The following SIRPB2 variants were observed in gnomAD, a reference collection of about 807,000 sequenced individuals.
SIRPB2 encodes signal-regulatory protein beta-2.
A neutral mutation model predicts 27.1 loss-of-function variants in SIRPB2; 18 were observed. The ratio of observed to expected loss-of-function variants is 0.66; its 90% CI spans 0.46 to 0.98. SIRPB2 has a LOEUF of 0.98. SIRPB2 is among the 50% of genes least tolerant of loss of function. The pLI is 0.00. For missense variants in SIRPB2, 420 were observed against 417.4 expected (o/e 1.01, Z -0.06); for synonymous variants, 150 against 164.6 (o/e 0.91, Z 0.68).
chr20:1,484,035 A>C (rs1433574405), intron 1 of SIRPB2, among the ~76,000 whole-genome samples: 1 of 152,256 alleles, frequency 6.6e-6, no homozygotes, highest in Non-Finnish European at 1.5e-5. Context: ...CCAATGGCAC[A>C]GAATAGAAAA....
Position 1,486,719 on chromosome 20 carries a change from T to C in SIRPB2, c.85+4556A>G, listed in dbSNP as rs187027650. ...AAACTAACACACACACACACGCATA[T>C]ACATGCACTCATATAATCATCTCAA... is the stretch of plus-strand genomic sequence containing the variant. On this transcript the variant is annotated intron_variant, in intron 1 of 4. Coordinates refer to ENST00000359801, the MANE Select transcript of SIRPB2 (RefSeq NM_001122962.2). Among the ~76,000 whole-genome samples, 617 of 152,268 alleles carry C rather than the reference T, an allele frequency of 4.1e-3. 1 individual carries two copies. Among genetic ancestry groups the C allele is most frequent in the Non-Finnish European group, 7.5e-3 (508 of 68,000 alleles).
intron 1 of SIRPB2, 41 bp downstream of exon 1, chr20:1,491,234 C>T (rs1483436670): frequency 6.4e-7 from 1 of 1,571,806 alleles, no homozygotes; most frequent in South Asian, 1.2e-5. Context: ...AGGGACTGAC[C>T]AGCCGGGGGT....
Position 1,475,895 on chromosome 20 carries a change from G to T in SIRPB2, c.*272C>A, listed in dbSNP as rs1568640937. The T allele has an allele frequency of 5.3e-6, 2 of 378,958 alleles. No homozygotes were observed. The highest frequency in any genetic ancestry group is 9.6e-6 in the Non-Finnish European group (2 of 208,812). 23.5% of individuals were successfully genotyped at this position (378,958 alleles called of 1,614,324 possible). ...GGGGCAGGGCGCACCAGAAAGGGCT[G>T]CAGCAGGGGCAAGGGTGTTGAGGAG... On this transcript the variant is annotated 3_prime_UTR_variant, in exon 5 of 5. Coordinates refer to ENST00000359801, the MANE Select transcript of SIRPB2 (RefSeq NM_001122962.2).
chr20:1,476,493 C>T (rs948190150), intron 4 of SIRPB2, 157 bp from the exon 5 acceptor site: 16 of 405,398 alleles, frequency 3.9e-5, no homozygotes, highest in Admixed American at 2.6e-4. Flanking sequence ...GACCACCCTT[C>T]CCTCTGCCCT....
rs2090655184 is a variant in SIRPB2, at chr20:1,480,078, A to G, written c.86-13T>C. ...TGCCCAGAGGCATCTACAAAAGAGG[A>G]AGAAAGACCTTGCACTGGGCAGGAA... On this transcript the variant is annotated splice_polypyrimidine_tract_variant and intron_variant, in intron 1 of 4. Transcript: ENST00000359801. The G allele has an allele frequency of 6.3e-7, 1 of 1,592,878 alleles. No homozygotes were observed. Among genetic ancestry groups the G allele is most frequent in the African/African-American group, 1.4e-5 (1 of 74,012 alleles).
rs6033886 is a variant in SIRPB2, at chr20:1,485,653, C to A, written c.86-5588G>T. On this transcript the variant is annotated intron_variant, in intron 1 of 4. Transcript: ENST00000359801. ...TAGAACACACACACACACACACACA[C>A]CACACACACACACACACACAGAAAA... Among the ~76,000 whole-genome samples the A allele has an allele frequency of 3.7e-3, 538 of 147,146 alleles. 2 individuals are homozygous for A. The highest frequency in any genetic ancestry group is 0.012 in the African/African-American group (480 of 39,838).
Position 1,491,404 on chromosome 20 carries a change from T to C in SIRPB2, c.-45A>G. 6.4e-7 allele frequency: 1 copy of C among 1,560,926 alleles called. No individual in the cohort carries two copies. The highest frequency in any genetic ancestry group is 8.7e-7 in the Non-Finnish European group (1 of 1,151,800). On this transcript the variant is annotated 5_prime_UTR_variant, in exon 1 of 5. Transcript: ENST00000359801. ...AAGACTTGGGGCTCCTCTGCTCTCT[T>C]GTGAGTGTTGGAGTCTGAGGCGGGG...
chr20:1,480,150 C>T lies in SIRPB2; in HGVS notation c.86-85G>A, dbSNP rs148295523. ...AAGCTTAAAACAATCAAACCATTAT[C>T]TGGCCAAGAACAATGGCCCAGGATA... is the stretch of plus-strand genomic sequence containing the variant. On this transcript the variant is annotated intron_variant, in intron 1 of 4. Transcript: ENST00000359801. 1,444 of 1,480,996 alleles carry T rather than the reference C, an allele frequency of 9.8e-4. 14 individuals are homozygous for T. The East Asian group carries it at 0.027, about 28-fold the overall frequency. 91.7% of individuals were successfully genotyped at this position (1,480,996 alleles called of 1,614,324 possible).
At chr20:1,479,562 T>C (rs1317506903) in intron 2 of SIRPB2, 138 bp downstream of exon 2, 1 of 1,337,134 alleles carries the variant, frequency 7.5e-7, no homozygotes, top group East Asian at 2.3e-5. Flanking sequence ...CACATGTAAA[T>C]GTGCATGTAG....
chr20:1,488,511 A>G (rs1320013475), intron 1 of SIRPB2, among the ~76,000 whole-genome samples: 1 of 152,104 alleles, frequency 6.6e-6, no homozygotes, highest in African/African-American at 2.4e-5. Flanking sequence ...AGCTGGGTGT[A>G]GTGATGTGCG....
Position 1,475,033 on chromosome 20 carries a change from C to T in SIRPB2, c.*1134G>A. On this transcript the variant is annotated 3_prime_UTR_variant, in exon 5 of 5. Coordinates refer to ENST00000359801, the MANE Select transcript of SIRPB2 (RefSeq NM_001122962.2). ...CTGACTCCTGGGCATGCACACTCTT[C>T]CCCATGTCAGGGCTTCTCAGTCCAC... is the stretch of plus-strand genomic sequence containing the variant. The T allele has an allele frequency of 6.6e-6, 1 of 152,300 alleles. No individual in the cohort carries two copies. Among genetic ancestry groups the T allele is most frequent in the Non-Finnish European group, 1.5e-5 (1 of 68,072 alleles). The allele number at this position is 152,300 out of a possible 1,614,324, so 9.4% of individuals were successfully genotyped here.
intron 1 of SIRPB2, among the ~76,000 whole-genome samples, chr20:1,490,654 C>T (rs959018726): frequency 6.6e-6 from 1 of 152,090 alleles, no homozygotes; most frequent in Non-Finnish European, 1.5e-5. Flanking sequence ...ATTTTTAGCT[C>T]CATTTTACAG....
intron 1 of SIRPB2, chr20:1,480,314 C>T: frequency 2.1e-6 from 1 of 466,308 alleles, no homozygotes; most frequent in East Asian, 3.4e-5. Flanking sequence ...GCCCTGCGTG[C>T]ATGATGTCAC....
intron 1 of SIRPB2, among the ~76,000 whole-genome samples, chr20:1,483,818 C>T (rs987640651): frequency 1.3e-5 from 2 of 152,118 alleles, no homozygotes; most frequent in African/African-American, 4.8e-5. Context: ...AAGTCTTAGC[C>T]ACAAAACCTT....
At chr20:1,473,925 T>G (rs746109573), downstream of SIRPB2, 1 of 454,510 alleles carries the variant, frequency 2.2e-6, no homozygotes, top group Non-Finnish European at 4.4e-6. Context: ...AGTCCCGAAG[T>G]CTGAAATCAA....
In SIRPB2 at chr20:1,491,266, C is replaced by T; in HGVS notation, c.85+9G>A. The stretch of plus-strand genomic sequence containing the variant: ...GGGTGGACCCTGTTCTATCCTAGAC[C>T]CCACTTACCTGAGGGGACAAGGACC... On this transcript the variant is annotated intron_variant, in intron 1 of 4. Transcript: ENST00000359801. 6.2e-7 allele frequency: 1 copy of T among 1,608,488 alleles called. No individual in the cohort carries two copies. The highest frequency in any genetic ancestry group is 8.5e-7 in the Non-Finnish European group (1 of 1,177,906).
Position 1,478,582 on chromosome 20 carries a change from CAGGTCTGGTTCA to C in SIRPB2, c.465_476del (p.Glu156_Leu159del). 1 of 1,597,412 alleles carries C rather than the reference CAGGTCTGGTTCA, an allele frequency of 6.3e-7. No homozygotes were observed. The highest frequency in any genetic ancestry group is 1.1e-5 in the South Asian group (1 of 90,204). ...CCAATTCCTGGGGCTGGATGATCCA[CAGGTCTGGTTCA>C]GGGTCCCCAGCTCCTGAAGCCAAAG... On this transcript the variant is annotated inframe_deletion, in exon 3 of 5. Coordinates refer to ENST00000359801, the MANE Select transcript of SIRPB2 (RefSeq NM_001122962.2).
At chr20:1,486,294 A>T (rs1433215559) in intron 1 of SIRPB2, among the ~76,000 whole-genome samples, 2 of 151,862 alleles carry the variant, frequency 1.3e-5, no homozygotes, top group Non-Finnish European at 2.9e-5. Context: ...GCTGGTCTTG[A>T]ACTCCTGGCC....
rs2090596573 is a variant in SIRPB2, at chr20:1,475,182, G to A, written c.*985C>T. The A allele has an allele frequency of 6.6e-6, 1 of 152,328 alleles. No homozygotes were observed. The highest frequency in any genetic ancestry group is 1.5e-5 in the Non-Finnish European group (1 of 68,142). 9.4% of individuals were successfully genotyped at this position (152,328 alleles called of 1,614,324 possible). ...CTGCCCCACATCATGCTGCCCCAGGGGAGGTGATAGTGGGAAGAAGTGCTG... is the reference window on the plus strand; with the variant it reads ...CTGCCCCACATCATGCTGCCCCAGGAGAGGTGATAGTGGGAAGAAGTGCTG... On this transcript the variant is annotated 3_prime_UTR_variant, in exon 5 of 5. Transcript: ENST00000359801.
Sources: gnomAD v4.1 joint callset for allele counts (sites outside exome capture counted in the v4.1 genomes callset) on GRCh38, gnomAD v4.1.1 for gene constraint, MANE v1.5 for transcripts, NCBI Gene and HGNC (gene_info 2026-07-23, HGNC 2026-07-21) for gene names.